Variants in CLCN4 observed in about 807,000 individuals in gnomAD.
The protein encoded by CLCN4 is H(+)/Cl(-) exchange transporter 4.
A neutral mutation model predicts 41.7 loss-of-function variants in CLCN4; 1 was observed. The ratio of observed to expected loss-of-function variants is 0.02; its 90% CI spans 0.01 to 0.11. The LOEUF (loss-of-function observed/expected upper bound fraction) is 0.11, where lower values mean the gene tolerates loss of function less well. Ranked by LOEUF, CLCN4 falls within the 10% of genes least tolerant of loss-of-function variation. The pLI is 1.00. For synonymous variants in CLCN4, 277 were observed against 285.8 expected (o/e 0.97, Z 0.31); for missense variants, 287 against 661.0 (o/e 0.43, Z 6.20).
At chrX:10,208,705 G>T in intron 9 of CLCN4, 115 bp downstream of exon 9, 1 of 604,026 alleles carries the variant, frequency 1.7e-6, no homozygotes, top group Non-Finnish European at 2.5e-6. Context: ...TTTCTTGAAT[G>T]TTCTCATGTG....
intron 6 of CLCN4, among the ~76,000 whole-genome samples, chrX:10,205,017 G>T (rs904849820): frequency 6.3e-5 from 7 of 110,853 alleles, no homozygotes; most frequent in Non-Finnish European, 9.4e-5. Flanking sequence ...TGGGCTGGGG[G>T]GTTAGCTGGG....
intron 2 of CLCN4, among the ~76,000 whole-genome samples, chrX:10,173,068 A>G (rs1305039228): frequency 9.0e-6 from 1 of 111,322 alleles, no homozygotes; most frequent in East Asian, 2.8e-4. Flanking sequence ...GCCTGGCGAC[A>G]TTCTTCAAAG....
intron 2 of CLCN4, among the ~76,000 whole-genome samples, chrX:10,160,829 C>T (rs1424765694): frequency 9.0e-6 from 1 of 111,506 alleles, no homozygotes; most frequent in Non-Finnish European, 1.9e-5. Context: ...TGCATCACTT[C>T]ACCCTGCAGA....
intron 9 of CLCN4, among the ~76,000 whole-genome samples, chrX:10,209,289 C>CTTCCT (rs1555976506): frequency 1.1e-5 from 1 of 91,187 alleles, no homozygotes; most frequent in African/African-American, 4.4e-5. Context: ...CCCTCCCTCC[C>CTTCCT]TCCCTTCCTT....
intron 5 of CLCN4, among the ~76,000 whole-genome samples, chrX:10,196,074 C>T (rs1924087745): frequency 8.9e-6 from 1 of 111,953 alleles, no homozygotes; most frequent in Non-Finnish European, 1.9e-5. Context: ...GTAGCTGTAC[C>T]ATTTTACATT....
At chrX:10,212,420 G>T (rs780380089) in intron 9 of CLCN4, 47 bp from the exon 10 acceptor site, 1 of 1,147,753 alleles carries the variant, frequency 8.7e-7, no homozygotes, top group Non-Finnish European at 1.2e-6. Flanking sequence ...GTGAAGCGGG[G>T]ACTTGGTCTT....
chrX:10,158,434 T>A lies in CLCN4; in HGVS notation c.-129T>A, dbSNP rs1347235577. 6 of 296,669 alleles carry A rather than the reference T, an allele frequency of 2.0e-5. No individual in the cohort carries two copies. The highest frequency in any genetic ancestry group is 3.5e-5 in the Non-Finnish European group (6 of 169,881). 24.4% of individuals were successfully genotyped at this position (296,669 alleles called of 1,213,427 possible). A position where few individuals can be genotyped will look rare whatever the true frequency, so the allele number is the denominator to read the frequency against. On this transcript the variant is annotated 5_prime_UTR_variant, in exon 2 of 13. Coordinates refer to ENST00000380833, the MANE Select transcript of CLCN4 (RefSeq NM_001830.4). The stretch of plus-strand genomic sequence containing the variant: ...CCTGCCTCGCCCCGAGGGCGTCACG[T>A]GGCAGCGTGGGGCCCGCCTCCTGGT...
chrX:10,206,842 A>G (rs1924401220), intron 8 of CLCN4, 66 bp downstream of exon 8: 1 of 774,458 alleles, frequency 1.3e-6, no homozygotes, highest in East Asian at 3.2e-5. Flanking sequence ...GTTAGAATCA[A>G]AGAAGTATTG....
chrX:10,219,856 A>G (rs1924814451), intron 11 of CLCN4, among the ~76,000 whole-genome samples: 1 of 112,203 alleles, frequency 8.9e-6, no homozygotes, highest in Non-Finnish European at 1.9e-5. Context: ...CTTGAGACCG[A>G]TGGATTTATT....
At chrX:10,204,813 G>A (rs988095368) in intron 6 of CLCN4, among the ~76,000 whole-genome samples, 3 of 109,123 alleles carry the variant, frequency 2.7e-5, no homozygotes, top group Non-Finnish European at 5.7e-5. Flanking sequence ...AGGGGTTTGC[G>A]GCTGGGCCTG....
rs368113028 is a variant in CLCN4 at position 10,206,895 on chromosome X, G to GT, written c.843+129dup. 0.12 allele frequency: 43,201 copies of GT among 373,231 alleles called. 1,008 individuals are homozygous for GT. Among genetic ancestry groups the GT allele is most frequent in the East Asian group, 0.24 (4,427 of 18,817 alleles). The allele number at this position is 373,231 out of a possible 1,213,427, so 30.8% of individuals were successfully genotyped here. ...TAATTAAGGAGCCACAATTTCCACTGTTTTTTTTTTGTTTTGTTTTTGTTT... is the reference window on the plus strand; with the variant it reads ...TAATTAAGGAGCCACAATTTCCACTGTTTTTTTTTTTGTTTTGTTTTTGTTT... On this transcript the variant is annotated intron_variant, in intron 8 of 12. Coordinates refer to ENST00000380833, the MANE Select transcript of CLCN4 (RefSeq NM_001830.4).
intron 6 of CLCN4, among the ~76,000 whole-genome samples, chrX:10,201,786 G>A (rs746968296): frequency 2.7e-5 from 3 of 112,070 alleles, no homozygotes; most frequent in Non-Finnish European, 5.6e-5. Flanking sequence ...TACTTAGAGT[G>A]AAAAATTCCT....
chrX:10,221,790 G>A (rs866674718), intron 12 of CLCN4, among the ~76,000 whole-genome samples: 3 of 112,365 alleles, frequency 2.7e-5, no homozygotes, highest in Non-Finnish European at 5.6e-5. Context: ...TGCCACTTCC[G>A]AATTACCGGG....
At chrX:10,225,063 G>A (rs1924957582) in intron 12 of CLCN4, among the ~76,000 whole-genome samples, 3 of 112,095 alleles carry the variant, frequency 2.7e-5, no homozygotes, top group South Asian at 3.7e-4. Flanking sequence ...ACGTGTGTAT[G>A]TATTTTTATA....
chrX:10,195,998 G>A (rs934434848), intron 5 of CLCN4, among the ~76,000 whole-genome samples: 1 of 112,376 alleles, frequency 8.9e-6, no homozygotes, highest in African/African-American at 3.2e-5. Flanking sequence ...TCTGGGAATG[G>A]AGTTGCTGGG....
intron 2 of CLCN4, among the ~76,000 whole-genome samples, chrX:10,164,063 G>A (rs1038447181): frequency 8.9e-6 from 1 of 112,722 alleles, no homozygotes; most frequent in Non-Finnish European, 1.9e-5. Context: ...GGAAGAGGAA[G>A]TAGCTGTTGG....
intron 2 of CLCN4, among the ~76,000 whole-genome samples, chrX:10,158,755 C>T (rs1923020418): frequency 8.8e-6 from 1 of 113,431 alleles, no homozygotes; most frequent in Admixed American, 9.2e-5. Context: ...GGCAGGCCCA[C>T]GCGTGACTTG....
chrX:10,223,732 A>G (rs1199569717), intron 12 of CLCN4, among the ~76,000 whole-genome samples: 1 of 111,487 alleles, frequency 9.0e-6, no homozygotes, highest in Admixed American at 9.5e-5. Flanking sequence ...TCCAGTTGCT[A>G]AGAGTGAATT....
chrX:10,180,252 G>A (rs967470336), intron 2 of CLCN4, among the ~76,000 whole-genome samples: 2 of 111,528 alleles, frequency 1.8e-5, no homozygotes, highest in Non-Finnish European at 1.9e-5. Context: ...CTCTGACTTC[G>A]GAATGCTCAT....
Sources: allele counts gnomAD v4.1 joint callset (sites outside exome capture counted in the v4.1 genomes callset), GRCh38; gene constraint gnomAD v4.1.1; transcripts MANE v1.5; gene names NCBI Gene and HGNC (gene_info 2026-07-23, HGNC 2026-07-21).